Variants in CPNE8 observed in about 807,000 individuals in gnomAD.
The protein encoded by CPNE8 is copine 8.
Under a neutral mutation model 81.5 loss-of-function variants are expected in CPNE8, and 45 were observed. The ratio of observed to expected loss-of-function variants is 0.55; its 90% CI spans 0.44 to 0.71. The LOEUF (loss-of-function observed/expected upper bound fraction) is 0.71. Among genes scored for constraint, CPNE8 ranks in the 30% least tolerant of loss-of-function variants. The pLI, the probability that CPNE8 is intolerant of heterozygous loss-of-function variation, is 0.00. For missense variants in CPNE8, 594 were observed against 672.1 expected (o/e 0.88, Z 1.28); for synonymous variants, 252 against 226.3 (o/e 1.11, Z -1.02).
intron 10 of CPNE8, among the ~76,000 whole-genome samples, chr12:38,751,533 C>A (rs1941353233): frequency 6.6e-6 from 1 of 152,130 alleles, no homozygotes; most frequent in Admixed American, 6.6e-5. Flanking sequence ...CTACACATAG[C>A]AATTCTCAGC....
At chr12:38,849,990 C>T (rs2137059739) in intron 3 of CPNE8, among the ~76,000 whole-genome samples, 1 of 152,250 alleles carries the variant, frequency 6.6e-6, no homozygotes, top group East Asian at 1.9e-4. Context: ...GGACTCTCCT[C>T]TATTTAAGTG....
At chr12:38,793,544 C>T (rs959836867) in intron 6 of CPNE8, among the ~76,000 whole-genome samples, 4 of 151,654 alleles carry the variant, frequency 2.6e-5, no homozygotes, top group Non-Finnish European at 5.9e-5. Context: ...ATTAAAACCA[C>T]AAAACACTGC....
At chr12:38,848,790 C>A (rs1216313653) in intron 3 of CPNE8, 128 bp from the exon 4 acceptor site, 2 of 1,195,598 alleles carry the variant, frequency 1.7e-6, no homozygotes, top group Admixed American at 8.3e-5. Flanking sequence ...AATTTTTTAG[C>A]GATAAAATCA....
intron 19 of CPNE8, among the ~76,000 whole-genome samples, chr12:38,659,027 A>T (rs538937440): frequency 6.6e-6 from 1 of 152,216 alleles, no homozygotes; most frequent in Non-Finnish European, 1.5e-5. Flanking sequence ...TAATAATGAC[A>T]GGATCAAATT....
At chr12:38,677,004 A>G (rs1939304819) in intron 17 of CPNE8, among the ~76,000 whole-genome samples, 1 of 152,158 alleles carries the variant, frequency 6.6e-6, no homozygotes, top group African/African-American at 2.4e-5. Context: ...CTAAAAAAAA[A>G]ACATACAATT....
chr12:38,786,651 T>C (rs920924829), intron 6 of CPNE8, among the ~76,000 whole-genome samples: 1 of 151,934 alleles, frequency 6.6e-6, no homozygotes, highest in Non-Finnish European at 1.5e-5. Flanking sequence ...TAATACAATA[T>C]CCCATGCAAA....
chr12:38,819,446 A>G (rs1472313186), intron 6 of CPNE8, among the ~76,000 whole-genome samples: 1 of 152,076 alleles, frequency 6.6e-6, no homozygotes, highest in Non-Finnish European at 1.5e-5. Context: ...TGCTTTGATA[A>G]CTAACATCCA....
intron 19 of CPNE8, among the ~76,000 whole-genome samples, chr12:38,655,108 T>C (rs1278069434): frequency 6.6e-6 from 1 of 152,160 alleles, no homozygotes; most frequent in African/African-American, 2.4e-5. Flanking sequence ...CAACATATAT[T>C]AGGTTGGAAC....
chr12:38,779,068 CTTCT>C (rs752857186), intron 6 of CPNE8, among the ~76,000 whole-genome samples: 3 of 152,144 alleles, frequency 2.0e-5, no homozygotes, highest in Non-Finnish European at 4.4e-5. Context: ...CCTTTCTCTT[CTTCT>C]TTCTATTTGT....
At chr12:38,748,658 G>A (rs1276481507) in intron 10 of CPNE8, among the ~76,000 whole-genome samples, 6 of 150,934 alleles carry the variant, frequency 4.0e-5, no homozygotes, top group African/African-American at 9.7e-5. Flanking sequence ...CCGCCACCAC[G>A]CCCGGCTAAT....
At chr12:38,897,310 C>G (rs1266213312) in intron 1 of CPNE8, among the ~76,000 whole-genome samples, 1 of 152,010 alleles carries the variant, frequency 6.6e-6, no homozygotes, top group Admixed American at 6.6e-5. Context: ...ACCAAAATCC[C>G]TTTGAGAAGA....
At chr12:38,738,806 C>CTTTTTTTTTTTT (rs5797590) in intron 10 of CPNE8, among the ~76,000 whole-genome samples, 1 of 50,054 alleles carries the variant, frequency 2.0e-5, no homozygotes. Context: ...TTTTTCTTTT[C>CTTTTTTTTTTTT]TTTTTTTTTT....
intron 7 of CPNE8, among the ~76,000 whole-genome samples, chr12:38,772,368 AG>A (rs1941820647): frequency 6.6e-6 from 1 of 152,182 alleles, no homozygotes. Context: ...AAAATATATA[AG>A]GAACTCCTAC....
chr12:38,677,761 G>T (rs1939324152), intron 16 of CPNE8, among the ~76,000 whole-genome samples: 2 of 151,718 alleles, frequency 1.3e-5, no homozygotes, highest in Admixed American at 1.3e-4. Flanking sequence ...CTGGCACACA[G>T]AAATATCTAG....
intron 6 of CPNE8, among the ~76,000 whole-genome samples, chr12:38,777,268 G>A (rs1440926586): frequency 3.3e-5 from 5 of 151,740 alleles, no homozygotes; most frequent in Admixed American, 3.3e-4. Flanking sequence ...AGTTTAAAAA[G>A]TAAAAATAAA....
At chr12:38,844,138 T>C (rs1378161612) in intron 4 of CPNE8, among the ~76,000 whole-genome samples, 4 of 152,216 alleles carry the variant, frequency 2.6e-5, no homozygotes, top group African/African-American at 7.2e-5. Flanking sequence ...AATAACATTA[T>C]ACATTTCATG....
intron 19 of CPNE8, 54 bp downstream of exon 19, chr12:38,670,675 G>T (rs1591999751): frequency 1.6e-6 from 2 of 1,235,738 alleles, no homozygotes; most frequent in Non-Finnish European, 1.2e-6. Flanking sequence ...TTTTGTTAAA[G>T]ATCCCAATGA....
chr12:38,734,189 T>C (rs2136774160), intron 10 of CPNE8, among the ~76,000 whole-genome samples: 1 of 152,118 alleles, frequency 6.6e-6, no homozygotes, highest in South Asian at 2.1e-4. Context: ...TCCCCCTCCG[T>C]ACCTGCTACA....
At chr12:38,776,577 C>T (rs182373518) in intron 6 of CPNE8, among the ~76,000 whole-genome samples, 7 of 151,818 alleles carry the variant, frequency 4.6e-5, no homozygotes, top group East Asian at 1.9e-4. Flanking sequence ...CCCAAAGTGC[C>T]GGTATTACAG....
Sources: gnomAD v4.1 joint callset for allele counts (sites outside exome capture counted in the v4.1 genomes callset) on GRCh38, gnomAD v4.1.1 for gene constraint, MANE v1.5 for transcripts, NCBI Gene and HGNC (gene_info 2026-07-23, HGNC 2026-07-21) for gene names.